NFKBIE: variants seen among roughly 807,000 people sequenced by gnomAD.
NFKBIE encodes the protein NFKB inhibitor epsilon.
NFKBIE carries 11 observed loss-of-function variants against 31.6 expected under a neutral mutation model. That is an observed-to-expected ratio of 0.35 (90% CI 0.22 to 0.58). The LOEUF is 0.58. Ranked by LOEUF, NFKBIE falls within the 20% of genes least tolerant of loss-of-function variation. NFKBIE has a pLI of 0.83. For synonymous variants in NFKBIE, 208 were observed against 210.1 expected, an observed-to-expected ratio of 0.99 and a Z score of 0.09; for missense variants, 354 against 465.7, an observed-to-expected ratio of 0.76 and a Z score of 2.21.
At position 44,260,637 on chromosome 6, in the gene NFKBIE, C is replaced by T. The variant is rs1781863903; in HGVS notation, c.692-98G>A. 2 of 1,086,762 alleles carry T rather than the reference C, an allele frequency of 1.8e-6. No homozygotes were observed. Among genetic ancestry groups the T allele is most frequent in the African/African-American group, 1.5e-5 (1 of 64,550 alleles). The allele number at this position is 1,086,762 out of a possible 1,614,324, so 67.3% of individuals were successfully genotyped here. A position where few individuals can be genotyped will look rare whatever the true frequency, so the allele number is the denominator to read the frequency against. On this transcript the variant is annotated intron_variant, in intron 3 of 5. Coordinates refer to ENST00000619360, the MANE Select transcript of NFKBIE (RefSeq NM_004556.3). This position sits in a 1 kb window ranked among gnomAD's most constrained non-coding sequence, Gnocchi z 5.5. ...CTACCACTCAGCCCCAAGGGACTCA[C>T]AGCCCACTCAATGTCTCTAATCACA...
At position 44,260,472 on chromosome 6, in the gene NFKBIE, A is replaced by G. The variant is rs777417960; in HGVS notation, c.759T>C (p.Asn253=). 2.8e-5 allele frequency: 46 copies of G among 1,614,046 alleles called. 2 individuals are homozygous for G. The South Asian group carries it at 4.9e-4, about 17-fold the overall frequency. ...TCACCTGCACATCAATGTCAGCTCC[A>G]TTCCGAAGCAGCAATTCCATGAGTG... is the stretch of plus-strand genomic sequence containing the variant. ...NQPLMELLLR[N]GADIDVQEGT... Residue 253 remains asparagine (N), a synonymous_variant, in exon 4 of 6, where the codon AAT becomes AAC. Coordinates refer to ENST00000619360, the MANE Select transcript of NFKBIE (RefSeq NM_004556.3). The surrounding 1 kb of genome is among the most constrained non-coding windows in gnomAD (Gnocchi z 5.5).
In NFKBIE at chr6:44,265,016, C is replaced by A; in HGVS notation, c.331G>T (p.Glu111Ter). The change falls in exon 1 of 6, where the codon GAA becomes TAA. Residue 111 changes from glutamate to a stop codon, truncating the protein, a stop_gained. Transcript: ENST00000619360. LOFTEE classifies it high-confidence loss of function. ...TCCTCGGAGATGTAAGTGAGTGCTT[C>A]CAGCTGCTGAGGGCTCAGCGCCCCC... ...HVGALSPQQL[E>*]ALTYISEDGD... is the part of the protein sequence containing the mutation. 1 of 1,584,942 alleles carries A rather than the reference C, an allele frequency of 6.3e-7. No individual in the cohort carries two copies. Among genetic ancestry groups the A allele is most frequent in the African/African-American group, 1.3e-5 (1 of 74,910 alleles).
rs1781963904 is a variant in NFKBIE at position 44,262,681 on chromosome 6, G to A, written c.366-19C>T. 1.9e-6 allele frequency: 3 copies of A among 1,607,076 alleles called. No individual in the cohort carries two copies. Among genetic ancestry groups the A allele is most frequent in the Non-Finnish European group, 2.6e-6 (3 of 1,173,618 alleles). ...GACCAGCCTAGGGGAGCAGAGGCGG[G>A]GCTTAGAGTTAAGGGCCCAGGCCAG... On this transcript the variant is annotated intron_variant, in intron 1 of 5. Transcript: ENST00000619360.
Position 44,260,575 on chromosome 6 carries a change from A to AGGG in NFKBIE, c.692-37_692-36insCCC, listed in dbSNP as rs1332160147. On this transcript the variant is annotated intron_variant, in intron 3 of 5. Transcript: ENST00000619360. The surrounding 1 kb of genome is among the most constrained non-coding windows in gnomAD (Gnocchi z 5.5). ...GTGAGAGTGAGGGTGAGGGCTGCTGATCTGCATCCACCAACTCCCTCTCTT... is the reference window on the plus strand; with the variant it reads ...GTGAGAGTGAGGGTGAGGGCTGCTGAGGGTCTGCATCCACCAACTCCCTCTCTT... 1 of 1,598,680 alleles carries AGGG rather than the reference A, an allele frequency of 6.3e-7. No homozygotes were observed. Among genetic ancestry groups the AGGG allele is most frequent in the African/African-American group, 1.3e-5 (1 of 74,522 alleles).
At chr6:44,264,337 A>G (rs730775) in intron 1 of NFKBIE, among the ~76,000 whole-genome samples, 55,887 of 152,140 alleles carry the variant, frequency 0.37, 11,509 homozygotes, top group Admixed American at 0.52. Flanking sequence ...TGAGGGAGTG[A>G]GACACGACAG....
Position 44,258,579 on chromosome 6 carries a change from A to G in NFKBIE, c.*640T>C, listed in dbSNP as rs1781766413. On this transcript the variant is annotated 3_prime_UTR_variant, in exon 6 of 6. Transcript: ENST00000619360. ...CAAGGCCCTACCGTGCTCAGGGGACAATTTCCTTCTCTCTGCCTCTACCAC... is the reference window on the plus strand; with the variant it reads ...CAAGGCCCTACCGTGCTCAGGGGACGATTTCCTTCTCTCTGCCTCTACCAC... 3 of 152,674 alleles carry G rather than the reference A, an allele frequency of 2.0e-5. No individual in the cohort carries two copies. Among genetic ancestry groups the G allele is most frequent in the Non-Finnish European group, 2.9e-5 (2 of 68,416 alleles). 9.5% of individuals were successfully genotyped at this position (152,674 alleles called of 1,614,324 possible). A position where few individuals can be genotyped will look rare whatever the true frequency, so the allele number is the denominator to read the frequency against.
chr6:44,263,480 A>AAGGCCCGTCTGGGCTGGGGAGGG lies in NFKBIE; in HGVS notation c.366-841_366-819dup, dbSNP rs1414057946. On this transcript the variant is annotated intron_variant, in intron 1 of 5. Coordinates refer to ENST00000619360, the MANE Select transcript of NFKBIE (RefSeq NM_004556.3). This position sits in a 1 kb window ranked among gnomAD's most constrained non-coding sequence, Gnocchi z 5.0. ...TTAGTGAGGGGGGTAGATTGGCTAAAAGGCCCGTCTGGGCTGGGGAGGGGG... is the reference window on the plus strand; with the variant it reads ...TTAGTGAGGGGGGTAGATTGGCTAAAAGGCCCGTCTGGGCTGGGGAGGGAGGCCCGTCTGGGCTGGGGAGGGGG... 9.9e-5 allele frequency among the ~76,000 whole-genome samples: 15 copies of AAGGCCCGTCTGGGCTGGGGAGGG among 151,990 alleles called. No homozygotes were observed. Among genetic ancestry groups the AAGGCCCGTCTGGGCTGGGGAGGG allele is most frequent in the Admixed American group, 9.2e-4 (14 of 15,268 alleles).
chr6:44,259,822 C>T (rs1781830341), intron 5 of NFKBIE, among the ~76,000 whole-genome samples: 1 of 152,086 alleles, frequency 6.6e-6, no homozygotes, highest in Non-Finnish European at 1.5e-5. Flanking sequence ...TCATATCTGG[C>T]CAACTTCACT....
chr6:44,263,850 G>A lies in NFKBIE; in HGVS notation c.365+1132C>T, dbSNP rs1388295385. 6.6e-6 allele frequency among the ~76,000 whole-genome samples: 1 copy of A among 152,176 alleles called. No individual in the cohort carries two copies. Among genetic ancestry groups the A allele is most frequent in the Non-Finnish European group, 1.5e-5 (1 of 68,028 alleles). On this transcript the variant is annotated intron_variant, in intron 1 of 5. Coordinates refer to ENST00000619360, the MANE Select transcript of NFKBIE (RefSeq NM_004556.3). The surrounding 1 kb of genome is among the most constrained non-coding windows in gnomAD (Gnocchi z 5.0). ...TAGAGATGGAAAAGGCTGGGGCTGA[G>A]AGGCTAACAAAAGACGGCAATGTCA...
intron 1 of NFKBIE, 60 bp from the exon 2 acceptor site, chr6:44,262,722 G>T (rs1038241715): frequency 7.3e-7 from 1 of 1,373,280 alleles, no homozygotes; most frequent in Non-Finnish European, 1.0e-6. Flanking sequence ...GTGGGTTGGG[G>T]TCTTGGAGTT....
chr6:44,259,779 C>T (rs1240594677), intron 5 of NFKBIE, among the ~76,000 whole-genome samples: 1 of 152,180 alleles, frequency 6.6e-6, no homozygotes, highest in Non-Finnish European at 1.5e-5. Flanking sequence ...GGATGGCTCT[C>T]TGGGTTCTTA....
rs2153331489 is a variant in NFKBIE at position 44,260,560 on chromosome 6, G to A, written c.692-21C>T. On this transcript the variant is annotated intron_variant, in intron 3 of 5. Transcript: ENST00000619360. This position sits in a 1 kb window ranked among gnomAD's most constrained non-coding sequence, Gnocchi z 5.5. ...CAGACCTGGGATGGGGTGAGAGTGA[G>A]GGTGAGGGCTGCTGATCTGCATCCA... The A allele has an allele frequency of 6.2e-7, 1 of 1,612,260 alleles. No individual in the cohort carries two copies. The highest frequency in any genetic ancestry group is 2.2e-5 in the East Asian group (1 of 44,868).
At position 44,259,143 on chromosome 6, in the gene NFKBIE, C is replaced by T. The variant is rs972199302; in HGVS notation, c.*76G>A. The T allele has an allele frequency of 9.3e-6, 14 of 1,512,142 alleles. No homozygotes were observed. Among genetic ancestry groups the T allele is most frequent in the Admixed American group, 5.0e-5 (3 of 59,502 alleles). The allele number at this position is 1,512,142 out of a possible 1,614,324, so 93.7% of individuals were successfully genotyped here. ...GCACCAGAAGAGCACATAGCCTGGGCCCAAACTGCAGCAGTTATGGCTCCG... is the reference window on the plus strand; with the variant it reads ...GCACCAGAAGAGCACATAGCCTGGGTCCAAACTGCAGCAGTTATGGCTCCG... On this transcript the variant is annotated 3_prime_UTR_variant, in exon 6 of 6. Transcript: ENST00000619360.
At position 44,265,461 on chromosome 6, in the gene NFKBIE, C is replaced by T; in HGVS notation, c.-115G>A. 3.3e-6 allele frequency: 5 copies of T among 1,507,330 alleles called. No homozygotes were observed. The highest frequency in any genetic ancestry group is 4.4e-6 in the Non-Finnish European group (5 of 1,134,970). The allele number at this position is 1,507,330 out of a possible 1,614,324, so 93.4% of individuals were successfully genotyped here. ...GGCAGAGCGGGCGCCCGGCCCGCGGCGGCCTCCTTCCCGGGCTGTGGGGCT... is the reference window on the plus strand; with the variant it reads ...GGCAGAGCGGGCGCCCGGCCCGCGGTGGCCTCCTTCCCGGGCTGTGGGGCT... On this transcript the variant is annotated 5_prime_UTR_variant, in exon 1 of 6. Coordinates refer to ENST00000619360, the MANE Select transcript of NFKBIE (RefSeq NM_004556.3).
At chr6:44,262,262 C>T (rs577371702) in intron 2 of NFKBIE, among the ~76,000 whole-genome samples, 3 of 152,314 alleles carry the variant, frequency 2.0e-5, no homozygotes, top group East Asian at 3.9e-4. Flanking sequence ...GGCATCTCCT[C>T]TGTAAGCCTT....
intron 1 of NFKBIE, among the ~76,000 whole-genome samples, 193 bp downstream of exon 1, chr6:44,264,789 C>G (rs957540232): frequency 1.3e-5 from 2 of 152,192 alleles, no homozygotes; most frequent in African/African-American, 2.4e-5. Context: ...TCTGCCCACC[C>G]CGAAATGGGA....
In NFKBIE at chr6:44,265,488, C is replaced by G. The variant is rs1782094235; in HGVS notation, c.-142G>C. On this transcript the variant is annotated 5_prime_UTR_variant, in exon 1 of 6. Coordinates refer to ENST00000619360, the MANE Select transcript of NFKBIE (RefSeq NM_004556.3). ...GCCTCCTTCCCGGGCTGTGGGGCTC[C>G]GAGGGGCCGGCGCGCAGCGAGGACA... The G allele has an allele frequency of 2.6e-6, 4 of 1,532,254 alleles. No individual in the cohort carries two copies. Among genetic ancestry groups the G allele is most frequent in the Non-Finnish European group, 3.5e-6 (4 of 1,142,332 alleles). 94.9% of individuals were successfully genotyped at this position (1,532,254 alleles called of 1,614,324 possible). A position where few individuals can be genotyped will look rare whatever the true frequency, so the allele number is the denominator to read the frequency against.
Position 44,262,637 on chromosome 6 carries a change from C to G in NFKBIE, c.391G>C (p.Glu131Gln). The change falls in exon 2 of 6, where the codon GAG (glutamate) becomes CAG (glutamine). Residue 131 changes from glutamate (E) to glutamine (Q), a missense_variant. By Grantham distance (29) the Glu-to-Gln change is conservative. This residue lies in a region of NFKBIE where 183 missense variants were observed against 310.6 expected (regional missense o/e 0.59). Coordinates refer to ENST00000619360, the MANE Select transcript of NFKBIE (RefSeq NM_004556.3). ...DTLVHLAVIH[E>Q]APAVLLCCLA... is the part of the protein sequence containing the mutation. ...CAACAGAGCAGCACCGCTGGGGCCT[C>G]ATGAATCACTGCCAGGTGGACCAGC... is the stretch of plus-strand genomic sequence containing the variant. The G allele has an allele frequency of 6.2e-7, 1 of 1,614,138 alleles. No individual in the cohort carries two copies. The highest frequency in any genetic ancestry group is 1.7e-5 in the Admixed American group (1 of 60,024).
In NFKBIE at chr6:44,265,320, G is replaced by T; in HGVS notation, c.27C>A (p.Asp9Glu). The T allele has an allele frequency of 6.5e-7, 1 of 1,548,932 alleles. No individual in the cohort carries two copies. The highest frequency in any genetic ancestry group is 8.7e-7 in the Non-Finnish European group (1 of 1,150,760). ...AGTCGTACTGGCTCTCCTCCGCCTC[G>T]TCCGGCCCCTTCCGCGCCTCCGACA... MSEARKGPDEAEESQYDSG... is the reference protein window; with the variant it reads MSEARKGPEEAEESQYDSG... Residue 9 changes from aspartate to glutamate, a missense_variant, in exon 1 of 6, where the codon GAC becomes GAA. Asp to Glu is a conservative substitution (Grantham distance 45). Coordinates refer to ENST00000619360, the MANE Select transcript of NFKBIE (RefSeq NM_004556.3).
Sources: gnomAD v4.1 joint callset for allele counts (sites outside exome capture counted in the v4.1 genomes callset) on GRCh38, gnomAD v4.1.1 for gene constraint, gnomAD v4.1.1 regional missense constraint, Gnocchi (gnomAD v3.1) non-coding constraint, MANE v1.5 for transcripts, NCBI Gene and HGNC (gene_info 2026-07-23, HGNC 2026-07-21) for gene names.